KIF21A: variants seen among roughly 807,000 people sequenced by gnomAD.
KIF21A encodes the protein kinesin family member 21A, also known as kinesin-like protein KIF21A.
Under a neutral mutation model 202.9 loss-of-function variants are expected in KIF21A, and 114 were observed. The ratio of observed to expected loss-of-function variants is 0.56; its 90% CI spans 0.48 to 0.66. The LOEUF (loss-of-function observed/expected upper bound fraction) is 0.66. Among genes scored for constraint, KIF21A ranks in the 30% least tolerant of loss-of-function variants. The pLI is 0.00. For synonymous variants in KIF21A, 667 were observed against 670.8 expected (o/e 0.99, Z 0.09); for missense variants, 1,677 against 1,994.9 (o/e 0.84, Z 3.04).
At chr12:39,345,119 C>T (rs912001498) in intron 12 of KIF21A, among the ~76,000 whole-genome samples, 5 of 152,142 alleles carry the variant, frequency 3.3e-5, no homozygotes, top group East Asian at 1.9e-4. Context: ...TCTGTACACA[C>T]GACTATGTTT....
rs532325436 is a variant in KIF21A at position 39,408,160 on chromosome 12, C to T, written c.44+34767G>A. ...ACCTTTTGGCACCAAGGACTGGTTT[C>T]GTGGAAGACAGTTTTTCCAGGGATG... On this transcript the variant is annotated intron_variant, in intron 1 of 37. Transcript: ENST00000361418. 4.0e-5 allele frequency among the ~76,000 whole-genome samples: 6 copies of T among 151,868 alleles called. No homozygotes were observed. In the East Asian group the frequency reaches 7.8e-4, roughly 20 times the overall value.
intron 24 of KIF21A, among the ~76,000 whole-genome samples, chr12:39,328,438 A>T (rs1408555219): frequency 6.6e-6 from 1 of 152,200 alleles, no homozygotes. Context: ...TCCAGAGTCC[A>T]TCTGTGTCTT....
chr12:39,436,101 T>C (rs562251587), intron 1 of KIF21A, among the ~76,000 whole-genome samples: 270 of 152,186 alleles, frequency 1.8e-3, no homozygotes, highest in African/African-American at 5.8e-3. Context: ...GTCAAAATAA[T>C]GGGTTGACAG....
At chr12:39,294,781 A>G (rs1694655834) in intron 37 of KIF21A, among the ~76,000 whole-genome samples, 1 of 152,222 alleles carries the variant, frequency 6.6e-6, no homozygotes, top group Non-Finnish European at 1.5e-5. Flanking sequence ...AACTACCATC[A>G]GCAATAGCTA....
rs750904550 is a variant in KIF21A, at chr12:39,330,216, A to T, written c.3340+26T>A. 3 of 1,598,122 alleles carry T rather than the reference A, an allele frequency of 1.9e-6. No individual in the cohort carries two copies. In the South Asian group the frequency reaches 3.3e-5, roughly 18 times the overall value. ...AATTAGTAATTCATGCAGCTGTAGG[A>T]TACACAGAAAGCTAAACATACTTAC... On this transcript the variant is annotated intron_variant, in intron 24 of 37. Coordinates refer to ENST00000361418, the MANE Select transcript of KIF21A (RefSeq NM_001173464.2).
At chr12:39,440,025 C>G (rs975806397) in intron 1 of KIF21A, among the ~76,000 whole-genome samples, 11 of 152,186 alleles carry the variant, frequency 7.2e-5, no homozygotes, top group African/African-American at 2.6e-4. Flanking sequence ...TATAGACACA[C>G]GATTTTGTAT....
chr12:39,328,269 C>T (rs1249542963), intron 24 of KIF21A, among the ~76,000 whole-genome samples: 11 of 149,148 alleles, frequency 7.4e-5, no homozygotes, highest in Admixed American at 3.0e-4. Context: ...ACATATGTCA[C>T]CCCCCCCAGT....
At chr12:39,384,578 T>C (rs1455744434) in intron 1 of KIF21A, among the ~76,000 whole-genome samples, 2 of 152,220 alleles carry the variant, frequency 1.3e-5, no homozygotes, top group Non-Finnish European at 2.9e-5. Context: ...TATAGGTATA[T>C]AGGGCTTTTT....
At chr12:39,351,074 T>C (rs555329100) in intron 11 of KIF21A, among the ~76,000 whole-genome samples, 1 of 152,158 alleles carries the variant, frequency 6.6e-6, no homozygotes, top group South Asian at 2.1e-4. Flanking sequence ...TGTGTAAACA[T>C]GTAAAGAATT....
chr12:39,386,321 C>A (rs1048475933), intron 1 of KIF21A, among the ~76,000 whole-genome samples: 1 of 152,004 alleles, frequency 6.6e-6, no homozygotes, highest in Non-Finnish European at 1.5e-5. Context: ...GGGGGTAATA[C>A]CTGAGGGATG....
At chr12:39,407,983 A>G (rs1364225989) in intron 1 of KIF21A, among the ~76,000 whole-genome samples, 1 of 152,120 alleles carries the variant, frequency 6.6e-6, no homozygotes, top group Non-Finnish European at 1.5e-5. Flanking sequence ...AACGTGACAA[A>G]TAGTCAAGAG....
chr12:39,422,593 C>G (rs1281884223), intron 1 of KIF21A, among the ~76,000 whole-genome samples: 1 of 152,142 alleles, frequency 6.6e-6, no homozygotes, highest in Non-Finnish European at 1.5e-5. Context: ...TGGGACACCT[C>G]AAAACTTTAA....
intron 1 of KIF21A, among the ~76,000 whole-genome samples, chr12:39,431,891 C>G (rs1286487778): frequency 5.9e-5 from 9 of 152,156 alleles, no homozygotes. Context: ...TCAAAAGCCT[C>G]ATATTGTATT....
intron 24 of KIF21A, among the ~76,000 whole-genome samples, chr12:39,329,243 A>G (rs768906905): frequency 6.6e-6 from 1 of 152,218 alleles, no homozygotes; most frequent in Non-Finnish European, 1.5e-5. Context: ...CATTAGCTGA[A>G]TGAGTTCCTA....
intron 28 of KIF21A, 117 bp downstream of exon 28, chr12:39,319,789 A>G: frequency 1.4e-6 from 1 of 730,216 alleles, no homozygotes; most frequent in South Asian, 1.6e-5. Context: ...GATTAGTCAA[A>G]TAGTCATAAC....
rs373472351 is a variant in KIF21A, at chr12:39,327,404, G to C, written c.3341-1080C>G. On this transcript the variant is annotated intron_variant, in intron 24 of 37. Transcript: ENST00000361418. Reference sequence around the variant, plus strand: ...GAAGGCAATATGTATCTCATTAGAGGGAGGCTCAAGGACTTGCTTCACAGA... The same window carrying C: ...GAAGGCAATATGTATCTCATTAGAGCGAGGCTCAAGGACTTGCTTCACAGA... Among the ~76,000 whole-genome samples the C allele has an allele frequency of 4.6e-5, 7 of 152,212 alleles. No homozygotes were observed. In the South Asian group the frequency reaches 8.3e-4, roughly 18 times the overall value.
At chr12:39,398,410 G>A (rs1951917977) in intron 1 of KIF21A, among the ~76,000 whole-genome samples, 1 of 152,072 alleles carries the variant, frequency 6.6e-6, no homozygotes, top group South Asian at 2.1e-4. Flanking sequence ...GACCAGCCTG[G>A]GCAACACGGC....
intron 34 of KIF21A, 90 bp downstream of exon 34, chr12:39,307,475 T>C: frequency 8.0e-7 from 1 of 1,243,752 alleles, no homozygotes; most frequent in Non-Finnish European, 1.2e-6. Context: ...TCTGGGGTCA[T>C]AAAAATTGGA....
At chr12:39,361,004 C>T (rs899900372) in intron 7 of KIF21A, among the ~76,000 whole-genome samples, 3 of 152,148 alleles carry the variant, frequency 2.0e-5, no homozygotes, top group Non-Finnish European at 4.4e-5. Context: ...AATTGAGGCA[C>T]ACGAAGAAAG....
Sources: gnomAD v4.1 joint callset for allele counts (sites outside exome capture counted in the v4.1 genomes callset) on GRCh38, gnomAD v4.1.1 for gene constraint, MANE v1.5 for transcripts, NCBI Gene and HGNC (gene_info 2026-07-23, HGNC 2026-07-21) for gene names.